ADAM23: variants seen among roughly 807,000 people sequenced by gnomAD.
The protein encoded by ADAM23 is disintegrin and metalloproteinase domain-containing protein 23.
In ADAM23, 33 loss-of-function variants were observed where a neutral mutation model predicts 120.1. That is an observed-to-expected ratio of 0.27 (90% CI 0.21 to 0.37). The LOEUF (loss-of-function observed/expected upper bound fraction) is 0.37, where lower values mean the gene tolerates loss of function less well. Ranked by LOEUF, ADAM23 falls within the 10% of genes least tolerant of loss-of-function variation. The pLI, the probability that ADAM23 is intolerant of heterozygous loss-of-function variation, is 1.00. For missense variants in ADAM23, 862 were observed against 1,058.2 expected, an observed-to-expected ratio of 0.81 and a Z score of 2.57; for synonymous variants, 367 against 375.2, an observed-to-expected ratio of 0.98 and a Z score of 0.25.
intron 2 of ADAM23, among the ~76,000 whole-genome samples, chr2:206,446,768 T>G (rs571954770): frequency 6.6e-6 from 1 of 152,308 alleles, no homozygotes; most frequent in East Asian, 1.9e-4. Context: ...TAAATGTGTC[T>G]CTGTTCTCAG....
intron 2 of ADAM23, among the ~76,000 whole-genome samples, chr2:206,455,681 T>G (rs978447277): frequency 8.5e-5 from 13 of 152,230 alleles, no homozygotes; most frequent in African/African-American, 3.1e-4. Flanking sequence ...AATGCTTTGC[T>G]GCTTTGAAAT....
Position 206,443,554 on chromosome 2 carries a change from C to G in ADAM23, c.-313C>G, listed in dbSNP as rs1317118778. 1 of 130,682 alleles carries G rather than the reference C, an allele frequency of 7.7e-6. No individual in the cohort carries two copies. The highest frequency in any genetic ancestry group is 2.0e-4 in the East Asian group (1 of 4,932). 8.1% of individuals were successfully genotyped at this position (130,682 alleles called of 1,614,324 possible). ...AGCATCCTCAGGCCCGGCGGCAGCC[C>G]CCGCAGTCGCTGAAGCGGCCGCGCC... On this transcript the variant is annotated 5_prime_UTR_variant, in exon 1 of 26. Transcript: ENST00000264377.
chr2:206,505,886 G>T (rs1250148687), intron 3 of ADAM23, among the ~76,000 whole-genome samples: 1 of 152,152 alleles, frequency 6.6e-6, no homozygotes, highest in African/African-American at 2.4e-5. Flanking sequence ...GTCTAAAGAG[G>T]CACCCCCATA....
intron 24 of ADAM23, among the ~76,000 whole-genome samples, chr2:206,601,203 A>G (rs13010130): frequency 0.091 from 13,849 of 152,266 alleles, 704 homozygotes; most frequent in Non-Finnish European, 0.12. Flanking sequence ...GTAAGAAGGA[A>G]GAGAAACTGG....
chr2:206,526,938 G>A (rs1390974449), intron 3 of ADAM23, among the ~76,000 whole-genome samples: 1 of 152,210 alleles, frequency 6.6e-6, no homozygotes, highest in African/African-American at 2.4e-5. Context: ...AGGGCAGAGT[G>A]AGTGGGTTCA....
intron 25 of ADAM23, among the ~76,000 whole-genome samples, chr2:206,613,178 G>T (rs1028550098): frequency 6.6e-6 from 1 of 152,096 alleles, no homozygotes; most frequent in African/African-American, 2.4e-5. Flanking sequence ...TCCTGCCTCA[G>T]CCTCCTGAGC....
At chr2:206,446,517 T>C (rs1695085085) in intron 2 of ADAM23, among the ~76,000 whole-genome samples, 2 of 152,200 alleles carry the variant, frequency 1.3e-5, no homozygotes, top group South Asian at 4.1e-4. Flanking sequence ...TTCTAAAATA[T>C]AGGTGAGTGG....
intron 21 of ADAM23, among the ~76,000 whole-genome samples, 157 bp downstream of exon 21, chr2:206,589,671 A>G (rs1424720765): frequency 6.6e-6 from 1 of 152,226 alleles, no homozygotes; most frequent in Non-Finnish European, 1.5e-5. Context: ...TTATATCTAG[A>G]GGCAAATGGC....
In ADAM23 at chr2:206,561,112, A is replaced by G; in HGVS notation, c.1170-16A>G. On this transcript the variant is annotated splice_polypyrimidine_tract_variant and intron_variant, in intron 11 of 25. Coordinates refer to ENST00000264377, the MANE Select transcript of ADAM23 (RefSeq NM_003812.4). ...TCCACCACGTTGGTTTTCTGATAGCACTGCTTTTTCTTAAGGCGGGTGACA... is the reference window on the plus strand; with the variant it reads ...TCCACCACGTTGGTTTTCTGATAGCGCTGCTTTTTCTTAAGGCGGGTGACA... 1.2e-6 allele frequency: 2 copies of G among 1,613,582 alleles called. No homozygotes were observed. The highest frequency in any genetic ancestry group is 1.3e-5 in the African/African-American group (1 of 75,030).
intron 3 of ADAM23, among the ~76,000 whole-genome samples, chr2:206,525,177 T>C (rs1480350462): frequency 2.0e-5 from 3 of 152,204 alleles, no homozygotes; most frequent in Non-Finnish European, 4.4e-5. Flanking sequence ...TGGTGCTTGC[T>C]ACTATTCATC....
chr2:206,499,209 T>A (rs10206260), intron 3 of ADAM23, among the ~76,000 whole-genome samples: 1 of 151,946 alleles, frequency 6.6e-6, no homozygotes, highest in African/African-American at 2.4e-5. Flanking sequence ...ATGTTTATTG[T>A]GGCACTATTC....
chr2:206,564,537 A>G (rs934497295), intron 13 of ADAM23, among the ~76,000 whole-genome samples: 1 of 152,242 alleles, frequency 6.6e-6, no homozygotes, highest in African/African-American at 2.4e-5. Flanking sequence ...TTCACAGCAC[A>G]TAGGTACACC....
chr2:206,486,735 G>A (rs764734505), intron 3 of ADAM23, among the ~76,000 whole-genome samples: 1 of 151,036 alleles, frequency 6.6e-6, no homozygotes. Flanking sequence ...CACCACGACC[G>A]TCATCACCTA....
intron 3 of ADAM23, among the ~76,000 whole-genome samples, chr2:206,509,741 G>A (rs1253497534): frequency 4.6e-5 from 7 of 152,170 alleles, no homozygotes; most frequent in African/African-American, 1.2e-4. Context: ...GAGCCACTGC[G>A]CCCAGCCTGT....
chr2:206,462,958 C>T (rs1670487241), intron 2 of ADAM23, among the ~76,000 whole-genome samples: 2 of 152,116 alleles, frequency 1.3e-5, no homozygotes, highest in South Asian at 4.1e-4. Context: ...GCAAGAGTGG[C>T]TGCAGGGATA....
intron 24 of ADAM23, among the ~76,000 whole-genome samples, chr2:206,609,295 T>C (rs1698786040): frequency 6.6e-6 from 1 of 152,240 alleles, no homozygotes; most frequent in African/African-American, 2.4e-5. Flanking sequence ...TGCTTCCTTA[T>C]ATCTTGCCTT....
intron 3 of ADAM23, 121 bp downstream of exon 3, chr2:206,481,429 A>T: frequency 1.6e-6 from 1 of 614,222 alleles, no homozygotes; most frequent in Non-Finnish European, 2.6e-6. Context: ...ATTATTATAG[A>T]GCATGTAAAG....
chr2:206,471,245 A>G (rs1424879653), intron 2 of ADAM23, among the ~76,000 whole-genome samples: 1 of 152,242 alleles, frequency 6.6e-6, no homozygotes, highest in Non-Finnish European at 1.5e-5. Context: ...GAACAATGCT[A>G]AAATGAACTG....
chr2:206,486,333 G>A lies in ADAM23; in HGVS notation c.509+5025G>A, dbSNP rs1417728766. Among the ~76,000 whole-genome samples the A allele has an allele frequency of 4.0e-5, 6 of 148,234 alleles. No homozygotes were observed. The South Asian group carries it at 1.3e-3, about 31-fold the overall frequency. ...AAAGATCACTAGGGTAACGTTTCTT[G>A]TCTTTCCTTTTTTTTTTTTAGTGTC... On this transcript the variant is annotated intron_variant, in intron 3 of 25. Transcript: ENST00000264377.
Sources: gnomAD v4.1 joint callset for allele counts (sites outside exome capture counted in the v4.1 genomes callset) on GRCh38, gnomAD v4.1.1 for gene constraint, MANE v1.5 for transcripts, NCBI Gene and HGNC (gene_info 2026-07-23, HGNC 2026-07-21) for gene names.